GCSAML: variants seen among roughly 807,000 people sequenced by gnomAD.
The protein encoded by GCSAML is germinal center-associated signaling and motility-like protein.
In GCSAML, 9 loss-of-function variants were observed where a neutral mutation model predicts 13.0. That is an observed-to-expected ratio of 0.69 (90% CI 0.42 to 1.21). The LOEUF (loss-of-function observed/expected upper bound fraction) is 1.21. Among genes scored for constraint, GCSAML ranks in the 50% most tolerant of loss-of-function variants. The pLI is 0.00. For missense variants in GCSAML, 143 were observed against 153.4 expected, an observed-to-expected ratio of 0.93 and a Z score of 0.36; for synonymous variants, 37 against 52.9, an observed-to-expected ratio of 0.70 and a Z score of 1.31.
chr1:247,559,589 G>A (rs1035456724), intron 2 of GCSAML, among the ~76,000 whole-genome samples: 2 of 152,114 alleles, frequency 1.3e-5, no homozygotes, highest in Non-Finnish European at 2.9e-5. Context: ...TGTTTCATTA[G>A]TATTGCCTAG....
At chr1:247,544,321 C>T (rs1667499765), upstream of GCSAML, among the ~76,000 whole-genome samples, 2 of 152,168 alleles carry the variant, frequency 1.3e-5, no homozygotes, top group Admixed American at 1.3e-4. Flanking sequence ...AAGACCTCTC[C>T]AAGTTTTTCA....
At chr1:247,550,375 T>C (rs201818273) in intron 1 of GCSAML, among the ~76,000 whole-genome samples, 62 of 152,234 alleles carry the variant, frequency 4.1e-4, no homozygotes, top group East Asian at 2.1e-3. Flanking sequence ...CGGTGGCTCA[T>C]GTCTGTAATC....
At position 247,575,453 on chromosome 1, in the gene GCSAML, C is replaced by CTTTG. The variant is rs1668797644; in HGVS notation, c.*1071_*1072insTTTG. 1 of 152,176 alleles carries CTTTG rather than the reference C, an allele frequency of 6.6e-6. No individual in the cohort carries two copies. Among genetic ancestry groups the CTTTG allele is most frequent in the Non-Finnish European group, 1.5e-5 (1 of 68,038 alleles). 9.4% of individuals were successfully genotyped at this position (152,176 alleles called of 1,614,324 possible). A position where few individuals can be genotyped will look rare whatever the true frequency, so the allele number is the denominator to read the frequency against. On this transcript the variant is annotated 3_prime_UTR_variant, in exon 5 of 5. Coordinates refer to ENST00000366488, the MANE Select transcript of GCSAML (RefSeq NM_145278.5). ...TTTCATCTTTGAGGTGTAATCTACT[C>CTTTG]AATAAACTGTGTAAGACCAGTGACC...
intron 2 of GCSAML, among the ~76,000 whole-genome samples, chr1:247,561,230 A>G (rs1668115862): frequency 6.6e-6 from 1 of 152,200 alleles, no homozygotes; most frequent in Admixed American, 6.6e-5. Flanking sequence ...CTGTGATTAC[A>G]GGCATGAGCC....
At chr1:247,561,626 T>G (rs181452561) in intron 2 of GCSAML, among the ~76,000 whole-genome samples, 17 of 152,274 alleles carry the variant, frequency 1.1e-4, no homozygotes, top group Non-Finnish European at 2.1e-4. Context: ...GGCCAGTCCA[T>G]TTTCCTTCTC....
At chr1:247,563,135 ATC>A (rs1318444099) in intron 2 of GCSAML, among the ~76,000 whole-genome samples, 16 of 152,024 alleles carry the variant, frequency 1.1e-4, no homozygotes, top group South Asian at 2.1e-4. Context: ...GGCATAAGCC[ATC>A]CCACCCGGCC....
chr1:247,512,889 G>A (rs185263343), intron 1 of GCSAML, among the ~76,000 whole-genome samples: 2 of 152,226 alleles, frequency 1.3e-5, no homozygotes, highest in Non-Finnish European at 2.9e-5. Context: ...TGGAAGCGTC[G>A]TCCCAGAGAA....
intron 1 of GCSAML, among the ~76,000 whole-genome samples, chr1:247,551,670 G>A (rs893160496): frequency 1.3e-5 from 2 of 152,154 alleles, no homozygotes; most frequent in East Asian, 3.8e-4. Flanking sequence ...CAGATTAATA[G>A]GACAAAAGGC....
intron 1 of GCSAML, 120 bp from the exon 2 acceptor site, chr1:247,556,287 G>A: frequency 1.5e-6 from 1 of 687,262 alleles, no homozygotes; most frequent in Non-Finnish European, 2.6e-6. Flanking sequence ...TGAAGGAAAG[G>A]GAAGTTTGTC....
intron 1 of GCSAML, among the ~76,000 whole-genome samples, chr1:247,523,055 A>G (rs1666515705): frequency 6.6e-6 from 1 of 152,204 alleles, no homozygotes; most frequent in African/African-American, 2.4e-5. Context: ...TGTATCAAAA[A>G]TGTTTATCAT....
At chr1:247,543,217 T>G (rs1355837840) in intron 2 of GCSAML, among the ~76,000 whole-genome samples, 1 of 152,222 alleles carries the variant, frequency 6.6e-6, no homozygotes, top group Non-Finnish European at 1.5e-5. Flanking sequence ...ATGTTCAAAG[T>G]TGTTATTAAG....
intron 1 of GCSAML, chr1:247,519,107 A>T (rs969730060): frequency 2.6e-5 from 4 of 152,552 alleles, no homozygotes; most frequent in African/African-American, 7.2e-5. Flanking sequence ...AGCGGCAGGG[A>T]TGTGAATGTG....
intron 1 of GCSAML, among the ~76,000 whole-genome samples, chr1:247,552,400 C>T (rs1006292424): frequency 6.6e-6 from 1 of 152,146 alleles, no homozygotes; most frequent in Non-Finnish European, 1.5e-5. Flanking sequence ...AGAGAGCCTC[C>T]TGTTGCTCTG....
At chr1:247,571,746 G>A (rs1335401589) in intron 4 of GCSAML, among the ~76,000 whole-genome samples, 1 of 152,184 alleles carries the variant, frequency 6.6e-6, no homozygotes, top group African/African-American at 2.4e-5. Flanking sequence ...ATGTTGGCCT[G>A]TCTTGCCAGG....
intron 1 of GCSAML, 100 bp downstream of exon 1, chr1:247,549,320 C>A: frequency 3.8e-6 from 4 of 1,063,428 alleles, no homozygotes; most frequent in East Asian, 2.4e-5. Context: ...CATTGTGCTT[C>A]TAGAAGGTTA....
At position 247,574,523 on chromosome 1, in the gene GCSAML, T is replaced by C. The variant is rs1428056187; in HGVS notation, c.*141T>C. 3.0e-5 allele frequency: 26 copies of C among 872,962 alleles called. No individual in the cohort carries two copies. Among genetic ancestry groups the C allele is most frequent in the Non-Finnish European group, 4.0e-5 (23 of 581,080 alleles). 54.1% of individuals were successfully genotyped at this position (872,962 alleles called of 1,614,324 possible). On this transcript the variant is annotated 3_prime_UTR_variant, in exon 5 of 5. Transcript: ENST00000366488. Reference sequence around the variant, plus strand: ...GAAATATTATCTTATTATATATCCTTAGGCAACTCTGATATGTGGCATCTC... The same window carrying C: ...GAAATATTATCTTATTATATATCCTCAGGCAACTCTGATATGTGGCATCTC...
chr1:247,566,461 C>T (rs976984574), intron 4 of GCSAML, among the ~76,000 whole-genome samples: 3 of 152,078 alleles, frequency 2.0e-5, no homozygotes, highest in South Asian at 2.1e-4. Flanking sequence ...AGGCTAGTCT[C>T]GAACTCCTGG....
At chr1:247,563,494 G>T (rs932664281) in intron 2 of GCSAML, 96 bp from the exon 3 acceptor site, 3 of 605,576 alleles carry the variant, frequency 5.0e-6, no homozygotes, top group South Asian at 2.6e-5. Flanking sequence ...ATCTAACAAT[G>T]GCCTTAGGTT....
At chr1:247,523,777 ATATAC>A (rs1369832569) in intron 1 of GCSAML, among the ~76,000 whole-genome samples, 16 of 152,212 alleles carry the variant, frequency 1.1e-4, no homozygotes, top group African/African-American at 3.9e-4. Flanking sequence ...AGATGACAAA[ATATAC>A]TATACATCAA....
Sources: gnomAD v4.1 joint callset for allele counts (sites outside exome capture counted in the v4.1 genomes callset) on GRCh38, gnomAD v4.1.1 for gene constraint, MANE v1.5 for transcripts, NCBI Gene and HGNC (gene_info 2026-07-23, HGNC 2026-07-21) for gene names.